The following SHANK2 variants were observed in gnomAD, a reference collection of about 807,000 sequenced individuals.
The protein encoded by SHANK2 is SH3 and multiple ankyrin repeat domains protein 2.
Under a neutral mutation model 133.7 loss-of-function variants are expected in SHANK2, and 43 were observed. That is an observed-to-expected ratio of 0.32 (90% CI 0.25 to 0.41). SHANK2 has a LOEUF of 0.41. Among genes scored for constraint, SHANK2 ranks in the 10% least tolerant of loss-of-function variants. The pLI is 1.00. For missense variants in SHANK2, 1,994 were observed against 2,235.8 expected, an observed-to-expected ratio of 0.89 and a Z score of 2.18; for synonymous variants, 1,017 against 952.8, an observed-to-expected ratio of 1.07 and a Z score of -1.24.
chr11:71,153,924 C>G (rs543554069), intron 2 of SHANK2, among the ~76,000 whole-genome samples: 2 of 151,970 alleles, frequency 1.3e-5, no homozygotes, highest in Non-Finnish European at 2.9e-5. Context: ...GAGCCGAGAT[C>G]GTACCACTGC....
intron 17 of SHANK2, among the ~76,000 whole-genome samples, chr11:70,541,472 G>A (rs1554975169): frequency 6.6e-6 from 1 of 152,240 alleles, no homozygotes; most frequent in Admixed American, 6.5e-5. Flanking sequence ...AGGTGGGCTG[G>A]CAGGCACGAG....
intron 17 of SHANK2, among the ~76,000 whole-genome samples, chr11:70,618,852 C>T (rs2060791913): frequency 1.3e-5 from 2 of 152,188 alleles, no homozygotes; most frequent in African/African-American, 4.8e-5. Flanking sequence ...CTCTCCAGGG[C>T]CTTTGTGTTA....
At position 70,479,500 on chromosome 11, in the gene SHANK2, G is replaced by A. The variant is rs1424403191; in HGVS notation, c.4979+5814C>T. Among the ~76,000 whole-genome samples, 1 of 152,206 alleles carries A rather than the reference G, an allele frequency of 6.6e-6. No homozygotes were observed. The highest frequency in any genetic ancestry group is 1.5e-5 in the Non-Finnish European group (1 of 68,036). On this transcript the variant is annotated intron_variant, in intron 25 of 25. Transcript: ENST00000601538. This position sits in a 1 kb window ranked among gnomAD's most constrained non-coding sequence, Gnocchi z 4.4. The stretch of plus-strand genomic sequence containing the variant: ...CCTGAACTCCCTCAGGGGCCTCTGG[G>A]ACCTGGAGTTTCACAGGACAAATCT...
intron 16 of SHANK2, among the ~76,000 whole-genome samples, chr11:70,660,329 C>T (rs1182312086): frequency 1.3e-5 from 2 of 152,250 alleles, no homozygotes; most frequent in African/African-American, 2.4e-5. Flanking sequence ...AGAAACACCA[C>T]ACTAAACCAC....
At chr11:70,736,458 G>A (rs188322186) in intron 14 of SHANK2, among the ~76,000 whole-genome samples, 17 of 152,248 alleles carry the variant, frequency 1.1e-4, no homozygotes, top group African/African-American at 1.9e-4. Flanking sequence ...CCAATGATAC[G>A]TGTTCTTCTG....
At position 70,769,068 on chromosome 11, in the gene SHANK2, C is replaced by T. The variant is rs118153403; in HGVS notation, c.1777+29375G>A. Among the ~76,000 whole-genome samples the T allele has an allele frequency of 4.6e-3, 696 of 152,266 alleles. 11 individuals are homozygous for T. In the East Asian group the frequency reaches 0.061, roughly 13 times the overall value. On this transcript the variant is annotated intron_variant, in intron 14 of 25. Coordinates refer to ENST00000601538, the MANE Select transcript of SHANK2 (RefSeq NM_012309.5). Reference sequence around the variant, plus strand: ...CCACCACTCTTCCCCAGGTGTAATTCGCTGAGAGGCTTTATTCCCTGGAAC... The same window carrying T: ...CCACCACTCTTCCCCAGGTGTAATTTGCTGAGAGGCTTTATTCCCTGGAAC...
At chr11:70,943,463 C>T (rs1950675303) in intron 10 of SHANK2, among the ~76,000 whole-genome samples, 1 of 152,160 alleles carries the variant, frequency 6.6e-6, no homozygotes, top group African/African-American at 2.4e-5. Flanking sequence ...GCAGGCCAAA[C>T]CCAGGAGGAA....
At chr11:71,168,050 G>A (rs1242833726) in intron 2 of SHANK2, among the ~76,000 whole-genome samples, 3 of 141,246 alleles carry the variant, frequency 2.1e-5, no homozygotes, top group Non-Finnish European at 4.7e-5. Context: ...CAGGCGGAGG[G>A]GCTCCTCACT....
intron 14 of SHANK2, among the ~76,000 whole-genome samples, chr11:70,703,802 A>G (rs1489468423): frequency 4.6e-5 from 7 of 152,120 alleles, no homozygotes; most frequent in African/African-American, 9.7e-5. Context: ...TCAGCCGCGC[A>G]TGCACCTGCT....
intron 25 of SHANK2, among the ~76,000 whole-genome samples, chr11:70,483,222 T>C (rs553901128): frequency 1.3e-5 from 2 of 152,248 alleles, no homozygotes; most frequent in African/African-American, 4.8e-5. Flanking sequence ...CCACTTATCC[T>C]CTGAAAAATG....
At chr11:70,506,763 G>A (rs1298226807) in intron 17 of SHANK2, among the ~76,000 whole-genome samples, 1 of 152,130 alleles carries the variant, frequency 6.6e-6, no homozygotes, top group Non-Finnish European at 1.5e-5. Context: ...ATATTATTGG[G>A]TCCGGAGCCT....
intron 16 of SHANK2, 88 bp downstream of exon 16, chr11:70,661,500 TACACACAC>T (rs3837380): frequency 0.04 from 41,897 of 1,046,354 alleles, 394 homozygotes; most frequent in East Asian, 0.073. Flanking sequence ...TGCAGGCGTA[TACACACAC>T]ACACACACAC....
intron 13 of SHANK2, among the ~76,000 whole-genome samples, chr11:70,802,481 TGCGGA>T (rs1948067844): frequency 6.6e-6 from 1 of 152,214 alleles, no homozygotes; most frequent in South Asian, 2.1e-4. Context: ...GCCAGGTCAC[TGCGGA>T]GGAGGGAGGA....
intron 11 of SHANK2, among the ~76,000 whole-genome samples, chr11:70,880,041 A>G (rs1949634818): frequency 6.6e-6 from 1 of 152,214 alleles, no homozygotes; most frequent in Admixed American, 6.5e-5. Flanking sequence ...GCAGCTCTCC[A>G]GTGCGAGGCC....
At chr11:70,495,846 C>T in intron 21 of SHANK2, 2 of 198,800 alleles carry the variant, frequency 1.0e-5, no homozygotes, top group South Asian at 1.2e-4. Context: ...GAATCCAGCC[C>T]ACCTGATACT....
rs553522423 is a variant in SHANK2 at position 70,739,302 on chromosome 11, CCATCTCCACACATCTCCACA to C, written c.1778-40559_1778-40540del. On this transcript the variant is annotated intron_variant, in intron 14 of 25. Transcript: ENST00000601538. The surrounding 1 kb of genome is among the most constrained non-coding windows in gnomAD (Gnocchi z 4.3). ...TCCACCCATCTCCACTCATCTCCAC[CCATCTCCACACATCTCCACA>C]CATCTCCACCTCCCCACAGAAGGGA... Among the ~76,000 whole-genome samples, 3 of 152,168 alleles carry C rather than the reference CCATCTCCACACATCTCCACA, an allele frequency of 2.0e-5. No individual in the cohort carries two copies. The highest frequency in any genetic ancestry group is 4.4e-5 in the Non-Finnish European group (3 of 68,038).
chr11:70,512,530 G>T (rs1232621433), intron 17 of SHANK2, among the ~76,000 whole-genome samples: 1 of 152,170 alleles, frequency 6.6e-6, no homozygotes, highest in Non-Finnish European at 1.5e-5. Context: ...AATTTTGTTT[G>T]TTGGTCGGTT....
intron 17 of SHANK2, among the ~76,000 whole-genome samples, chr11:70,617,077 A>G (rs2060754449): frequency 1.3e-5 from 2 of 150,460 alleles, no homozygotes; most frequent in South Asian, 4.2e-4. Flanking sequence ...GAGTGTGTGT[A>G]TATGTGTGTG....
chr11:71,073,147 C>CTTTTCT (rs1951166965), intron 9 of SHANK2, among the ~76,000 whole-genome samples: 3 of 62,714 alleles, frequency 4.8e-5, no homozygotes, highest in African/African-American at 1.3e-4. Context: ...TTTTTCTTTT[C>CTTTTCT]TTTTTTTTCT....
Sources: allele counts gnomAD v4.1 joint callset (sites outside exome capture counted in the v4.1 genomes callset), GRCh38; gene constraint gnomAD v4.1.1; non-coding constraint Gnocchi (gnomAD v3.1); transcripts MANE v1.5; gene names NCBI Gene and HGNC (gene_info 2026-07-23, HGNC 2026-07-21).